MIGA1: variants seen among roughly 807,000 people sequenced by gnomAD.
MIGA1 encodes the protein family with sequence similarity 73, member A.
In MIGA1, 58 loss-of-function variants were observed where a neutral mutation model predicts 82.0. That is an observed-to-expected ratio of 0.71 (90% CI 0.57 to 0.88). The LOEUF is 0.88. Ranked by LOEUF, MIGA1 falls within the 40% of genes least tolerant of loss-of-function variation. The pLI is 0.00. For synonymous variants in MIGA1, 249 were observed against 253.6 expected (o/e 0.98, Z 0.17); for missense variants, 751 against 749.1 (o/e 1.00, Z -0.03).
rs1476152553 is a variant in MIGA1, at chr1:77,877,091, G to A, written c.*2027G>A. 6.6e-6 allele frequency: 1 copy of A among 152,120 alleles called. No homozygotes were observed. Among genetic ancestry groups the A allele is most frequent in the Non-Finnish European group, 1.5e-5 (1 of 68,024 alleles). 9.4% of individuals were successfully genotyped at this position (152,120 alleles called of 1,614,324 possible). A position where few individuals can be genotyped will look rare whatever the true frequency, so the allele number is the denominator to read the frequency against. On this transcript the variant is annotated 3_prime_UTR_variant, in exon 16 of 16. Transcript: ENST00000370791. ...GTGCTATCATACATAGCTCACTGCA[G>A]TCTCCAACTCCTCATACCAGAGGCA...
chr1:77,850,397 G>C (rs1685002508), intron 8 of MIGA1, among the ~76,000 whole-genome samples: 1 of 152,166 alleles, frequency 6.6e-6, no homozygotes, highest in Non-Finnish European at 1.5e-5. Context: ...TTGGAGGGTG[G>C]CTATTTTAAG....
At chr1:77,806,903 T>C in intron 4 of MIGA1, 72 bp from the exon 5 acceptor site, 2 of 1,135,050 alleles carry the variant, frequency 1.8e-6, no homozygotes, top group South Asian at 3.2e-5. Context: ...AAAAATAATT[T>C]GTAAATATGA....
intron 1 of MIGA1, chr1:77,782,924 A>ACGCC: frequency 1.1e-6 from 1 of 934,094 alleles, no homozygotes; most frequent in Non-Finnish European, 1.3e-6. Flanking sequence ...TTAAATTTTT[A>ACGCC]TGTAACCAGA....
At chr1:77,871,952 G>A (rs1429967837) in intron 14 of MIGA1, among the ~76,000 whole-genome samples, 2 of 151,710 alleles carry the variant, frequency 1.3e-5, no homozygotes, top group East Asian at 3.9e-4. Context: ...TTGTTGCTTC[G>A]TTGCAAAGCT....
intron 15 of MIGA1, among the ~76,000 whole-genome samples, chr1:77,873,446 G>C (rs1477582756): frequency 6.6e-6 from 1 of 152,168 alleles, no homozygotes; most frequent in Non-Finnish European, 1.5e-5. Flanking sequence ...AATCAATGTA[G>C]ATAGTTGGTT....
chr1:77,841,430 T>C (rs1684622967), intron 7 of MIGA1, among the ~76,000 whole-genome samples: 1 of 150,320 alleles, frequency 6.7e-6, no homozygotes, highest in Admixed American at 6.6e-5. Flanking sequence ...GTCTTCTGCT[T>C]GTGGTAGAAG....
intron 14 of MIGA1, among the ~76,000 whole-genome samples, chr1:77,869,967 AC>A (rs1222529994): frequency 2.2e-5 from 2 of 92,740 alleles, no homozygotes; most frequent in East Asian, 3.1e-4. Flanking sequence ...CGGGGGGCTG[AC>A]CCCCCCACCT....
At chr1:77,871,116 A>AGAGGGGGAGGGGGAGGGG (rs1685972120) in intron 14 of MIGA1, among the ~76,000 whole-genome samples, 1 of 16,026 alleles carries the variant, frequency 6.2e-5, no homozygotes, top group Non-Finnish European at 2.1e-4. Flanking sequence ...AGGGAGAGGG[A>AGAGGGGGAGGGGGAGGGG]GAGGGAGAGG....
chr1:77,786,855 T>G (rs910590930), intron 2 of MIGA1, among the ~76,000 whole-genome samples: 3 of 152,240 alleles, frequency 2.0e-5, no homozygotes, highest in African/African-American at 7.2e-5. Context: ...GTTATCCCGT[T>G]CCAAAGTCAC....
At chr1:77,850,726 G>C (rs1426266842) in intron 8 of MIGA1, among the ~76,000 whole-genome samples, 1 of 152,202 alleles carries the variant, frequency 6.6e-6, no homozygotes, top group Non-Finnish European at 1.5e-5. Context: ...CCCAAGAGAA[G>C]TAATTTAGGA....
At chr1:77,785,334 G>C (rs1022847376) in intron 2 of MIGA1, among the ~76,000 whole-genome samples, 4 of 152,030 alleles carry the variant, frequency 2.6e-5, no homozygotes, top group Non-Finnish European at 5.9e-5. Flanking sequence ...AATCCAGCAG[G>C]GCAGTCAAAA....
At chr1:77,870,318 C>A (rs1685909088) in intron 14 of MIGA1, among the ~76,000 whole-genome samples, 1 of 119,166 alleles carries the variant, frequency 8.4e-6, no homozygotes. Flanking sequence ...GGGCTCCTCA[C>A]TTCTCAGACG....
intron 7 of MIGA1, among the ~76,000 whole-genome samples, chr1:77,833,982 T>C (rs1203213315): frequency 2.0e-5 from 3 of 152,374 alleles, no homozygotes; most frequent in Admixed American, 6.5e-5. Flanking sequence ...AATCATAGTA[T>C]ATAAAAATTT....
chr1:77,815,544 A>G (rs1683540188), intron 7 of MIGA1, among the ~76,000 whole-genome samples: 1 of 152,174 alleles, frequency 6.6e-6, no homozygotes, highest in South Asian at 2.1e-4. Context: ...CAAATGGGAC[A>G]GACTCAGCAC....
intron 8 of MIGA1, among the ~76,000 whole-genome samples, chr1:77,846,546 C>T (rs1242473599): frequency 2.0e-5 from 3 of 151,990 alleles, no homozygotes; most frequent in African/African-American, 7.2e-5. Context: ...GTTGCCCAGG[C>T]TGGTCTCAAA....
intron 2 of MIGA1, among the ~76,000 whole-genome samples, chr1:77,792,075 G>A (rs1007816386): frequency 1.2e-4 from 18 of 152,086 alleles, no homozygotes; most frequent in African/African-American, 4.1e-4. Context: ...AAGAAAGAGT[G>A]GTGAAAGGAA....
At chr1:77,821,453 C>T (rs960027677) in intron 7 of MIGA1, among the ~76,000 whole-genome samples, 1 of 148,840 alleles carries the variant, frequency 6.7e-6, no homozygotes, top group Non-Finnish European at 1.5e-5. Flanking sequence ...AACAATGGTA[C>T]GATCTCATCT....
At chr1:77,870,351 T>C (rs1447676137) in intron 14 of MIGA1, among the ~76,000 whole-genome samples, 1 of 87,976 alleles carries the variant, frequency 1.1e-5, no homozygotes, top group African/African-American at 4.4e-5. Flanking sequence ...GGCAGAGGGT[T>C]TCCTCACTTC....
At chr1:77,828,810 C>T (rs1413705964) in intron 7 of MIGA1, among the ~76,000 whole-genome samples, 1 of 152,054 alleles carries the variant, frequency 6.6e-6, no homozygotes. Flanking sequence ...GTAGCTGGGA[C>T]TACAGGCATG....
Sources: gnomAD v4.1 joint callset for allele counts (sites outside exome capture counted in the v4.1 genomes callset) on GRCh38, gnomAD v4.1.1 for gene constraint, MANE v1.5 for transcripts, NCBI Gene and HGNC (gene_info 2026-07-23, HGNC 2026-07-21) for gene names.